MIGA1: variants seen among roughly 807,000 people sequenced by gnomAD.
MIGA1 encodes family with sequence similarity 73, member A.
In MIGA1, 58 loss-of-function variants were observed where a neutral mutation model predicts 82.0. The ratio of observed to expected loss-of-function variants is 0.71; its 90% confidence interval spans 0.57 to 0.88. The LOEUF is 0.88. MIGA1 is among the 40% of genes least tolerant of loss of function. MIGA1 has a pLI of 0.00. For synonymous variants in MIGA1, 249 were observed against 253.6 expected (o/e 0.98, Z 0.17); for missense variants, 751 against 749.1 (o/e 1.00, Z -0.03).
intron 2 of MIGA1, among the ~76,000 whole-genome samples, chr1:77,789,376 T>A (rs373584608): frequency 4.9e-4 from 74 of 151,680 alleles, no homozygotes; most frequent in Middle Eastern, 3.4e-3. Context: ...ACCCAGCTAA[T>A]TTTTTTTATT....
At chr1:77,822,999 C>T (rs563744395) in intron 7 of MIGA1, among the ~76,000 whole-genome samples, 2 of 152,114 alleles carry the variant, frequency 1.3e-5, no homozygotes, top group South Asian at 2.1e-4. Flanking sequence ...TGTGCCACCA[C>T]GCCAGGCTAA....
chr1:77,850,989 C>T (rs909347207), intron 8 of MIGA1, among the ~76,000 whole-genome samples: 64 of 152,280 alleles, frequency 4.2e-4, no homozygotes, highest in African/African-American at 1.5e-3. Flanking sequence ...CCTGCCTCAG[C>T]CTCCCAAGTA....
At chr1:77,871,041 G>T (rs1176278391) in intron 14 of MIGA1, among the ~76,000 whole-genome samples, 1 of 146,128 alleles carries the variant, frequency 6.8e-6, no homozygotes, top group Non-Finnish European at 1.5e-5. Flanking sequence ...CAGCAGTACC[G>T]TCCAGCTTTG....
At chr1:77,851,148 G>A (rs542301424) in intron 8 of MIGA1, among the ~76,000 whole-genome samples, 1 of 152,294 alleles carries the variant, frequency 6.6e-6, no homozygotes, top group East Asian at 1.9e-4. Context: ...TAGGATTACA[G>A]GCATGAGCCA....
At chr1:77,797,978 C>T (rs748159270) in intron 2 of MIGA1, among the ~76,000 whole-genome samples, 9 of 152,108 alleles carry the variant, frequency 5.9e-5, no homozygotes, top group Non-Finnish European at 1.3e-4. Flanking sequence ...TCTAATACGA[C>T]ATTGGTGAAA....
chr1:77,823,869 A>G (rs1683932212), intron 7 of MIGA1, among the ~76,000 whole-genome samples: 1 of 152,148 alleles, frequency 6.6e-6, no homozygotes, highest in South Asian at 2.1e-4. Flanking sequence ...CTCTGTTGCC[A>G]CATAGGTCGT....
At chr1:77,807,667 GTC>G (rs1434662918) in intron 5 of MIGA1, among the ~76,000 whole-genome samples, 2 of 152,152 alleles carry the variant, frequency 1.3e-5, no homozygotes, top group Non-Finnish European at 2.9e-5. Context: ...TAGAGCCATG[GTC>G]TCTCTGGAGG....
chr1:77,788,576 T>C (rs1570918233), intron 2 of MIGA1, among the ~76,000 whole-genome samples: 1 of 152,194 alleles, frequency 6.6e-6, no homozygotes, highest in Admixed American at 6.5e-5. Context: ...CCAAATCCGA[T>C]GTTGTGAAGC....
intron 14 of MIGA1, 68 bp from the exon 15 acceptor site, chr1:77,872,936 T>C: frequency 2.5e-6 from 4 of 1,592,704 alleles, no homozygotes; most frequent in African/African-American, 1.4e-5. Flanking sequence ...GCAACTTCAG[T>C]TTCTGTACTA....
At chr1:77,859,276 A>G (rs1685378234) in intron 9 of MIGA1, 38 bp from the exon 10 acceptor site, 1 of 1,494,998 alleles carries the variant, frequency 6.7e-7, no homozygotes, top group Non-Finnish European at 9.3e-7. Flanking sequence ...TTGATCTTGA[A>G]TGTAGTTTAA....
chr1:77,811,839 C>G, intron 5 of MIGA1: 1 of 1,336,996 alleles, frequency 7.5e-7, no homozygotes, highest in Non-Finnish European at 1.0e-6. Flanking sequence ...GGTTCTAGGG[C>G]GCCATCCTCC....
intron 15 of MIGA1, among the ~76,000 whole-genome samples, chr1:77,873,966 T>G (rs1220120534): frequency 1.3e-5 from 2 of 152,182 alleles, no homozygotes; most frequent in Non-Finnish European, 2.9e-5. Flanking sequence ...GCATTCTGAC[T>G]TGGGGCAAAT....
chr1:77,785,235 AT>A (rs1387412708), intron 2 of MIGA1, among the ~76,000 whole-genome samples: 2 of 152,216 alleles, frequency 1.3e-5, no homozygotes, highest in African/African-American at 4.8e-5. Flanking sequence ...CCTAGATAGA[AT>A]GGGGGTATGG....
chr1:77,872,832 G>A (rs1184509944), intron 14 of MIGA1, among the ~76,000 whole-genome samples, 172 bp from the exon 15 acceptor site: 4 of 152,208 alleles, frequency 2.6e-5, no homozygotes, highest in East Asian at 1.9e-4. Context: ...TGCTAAAGCC[G>A]GGGGATTGCT....
intron 2 of MIGA1, among the ~76,000 whole-genome samples, chr1:77,789,219 T>C (rs1173768666): frequency 1.3e-5 from 2 of 148,784 alleles, no homozygotes; most frequent in Non-Finnish European, 3.0e-5. Context: ...TTTTTTTTTT[T>C]TTCTTTGAGA....
intron 7 of MIGA1, among the ~76,000 whole-genome samples, chr1:77,825,924 T>C (rs1197531730): frequency 6.6e-6 from 1 of 152,194 alleles, no homozygotes; most frequent in Non-Finnish European, 1.5e-5. Flanking sequence ...TGACTTTGCT[T>C]AGACTCAGCT....
intron 12 of MIGA1, among the ~76,000 whole-genome samples, chr1:77,863,384 T>C (rs1685543915): frequency 1.3e-5 from 2 of 152,240 alleles, no homozygotes; most frequent in South Asian, 2.1e-4. Context: ...CACTATACTT[T>C]TTCCTTTATT....
intron 7 of MIGA1, among the ~76,000 whole-genome samples, chr1:77,829,751 G>A (rs1684170935): frequency 6.6e-6 from 1 of 152,046 alleles, no homozygotes; most frequent in Non-Finnish European, 1.5e-5. Context: ...GATTACAGGC[G>A]TGACCCACTG....
At chr1:77,864,701 T>C (rs964842794) in intron 13 of MIGA1, among the ~76,000 whole-genome samples, 2 of 152,128 alleles carry the variant, frequency 1.3e-5, no homozygotes, top group African/African-American at 4.8e-5. Flanking sequence ...ACTGGGTAGA[T>C]TGTTAAGATT....
Sources: gnomAD v4.1 joint callset for allele counts (sites outside exome capture counted in the v4.1 genomes callset) on GRCh38, gnomAD v4.1.1 for gene constraint, MANE v1.5 for transcripts, NCBI Gene and HGNC (gene_info 2026-07-23, HGNC 2026-07-21) for gene names.